Variants in PKNOX1 observed in about 807,000 individuals in gnomAD.
PKNOX1 encodes the protein PBX/knotted 1 homeobox 1, also known as homeobox protein PKNOX1.
PKNOX1 carries 15 observed loss-of-function variants against 51.9 expected under a neutral mutation model. The ratio of observed to expected loss-of-function variants is 0.29; its 90% confidence interval spans 0.19 to 0.45. The LOEUF is 0.45. Among genes scored for constraint, PKNOX1 ranks in the 20% least tolerant of loss-of-function variants. PKNOX1 has a pLI of 1.00. For synonymous variants in PKNOX1, 219 were observed against 211.1 expected, an observed-to-expected ratio of 1.04 and a Z score of -0.32; for missense variants, 462 against 547.5, an observed-to-expected ratio of 0.84 and a Z score of 1.56.
At chr21:43,014,845 C>G (rs1166838747) in intron 5 of PKNOX1, among the ~76,000 whole-genome samples, 2 of 152,308 alleles carry the variant, frequency 1.3e-5, no homozygotes, top group East Asian at 3.9e-4. Flanking sequence ...TTTAGCTGTT[C>G]TGGTTCCTTT....
At chr21:43,002,256 A>G (rs1157731396) in intron 1 of PKNOX1, among the ~76,000 whole-genome samples, 1 of 152,128 alleles carries the variant, frequency 6.6e-6, no homozygotes, top group African/African-American at 2.4e-5. Flanking sequence ...CCTTGCTCAG[A>G]GTTTTAATGG....
In PKNOX1 at chr21:43,021,367, A is replaced by C. The variant is rs373951876; in HGVS notation, c.785A>C (p.Lys262Thr). 9.3e-6 allele frequency: 15 copies of C among 1,613,644 alleles called. No homozygotes were observed. Among genetic ancestry groups the C allele is most frequent in the Non-Finnish European group, 1.2e-5 (14 of 1,179,664 alleles). ...CAAGATGATGGTTCATCTAAGAACA[A>C]GAGGGGCGTCCTGCCAAAGCATGCC... is the stretch of plus-strand genomic sequence containing the variant. ...LHQDDGSSKN[K>T]RGVLPKHATN... Residue 262 changes from lysine to threonine, a missense_variant, in exon 8 of 11, where the codon AAG (lysine) becomes ACG (threonine). Around this residue, in one of 5 missense-constraint regions of PKNOX1, gnomAD observed 75 missense variants for 129.8 expected, o/e 0.58. Transcript: ENST00000291547. This position sits in a 1 kb window ranked among gnomAD's most constrained non-coding sequence, Gnocchi z 4.6.
rs538100107 is a variant in PKNOX1, at chr21:43,000,782, C to T, written c.-56-3544C>T. Among the ~76,000 whole-genome samples the T allele has an allele frequency of 1.7e-4, 26 of 152,218 alleles. No individual in the cohort carries two copies. In the South Asian group the frequency reaches 4.1e-3, roughly 24 times the overall value. ...CCTGTAGTTCCTGCTGTTTAGGGGGCTGTGGTGGGAGCATCTCTTGAGTTC... is the reference window on the plus strand; with the variant it reads ...CCTGTAGTTCCTGCTGTTTAGGGGGTTGTGGTGGGAGCATCTCTTGAGTTC... On this transcript the variant is annotated intron_variant, in intron 1 of 10. Transcript: ENST00000291547.
At chr21:42,992,243 G>C (rs2146241708) in intron 1 of PKNOX1, among the ~76,000 whole-genome samples, 1 of 152,344 alleles carries the variant, frequency 6.6e-6, no homozygotes, top group South Asian at 2.1e-4. Context: ...TCCTGTCCTT[G>C]TGAGTTCGAC....
In PKNOX1 at chr21:43,006,629, TGA is replaced by T. The variant is rs1402476415; in HGVS notation, c.52-858_52-857del. ...GAAGAGAGCACAGGGCTGGAGGATG[TGA>T]GAGGCGTCCTGTGCGGGTGGGCGTT... On this transcript the variant is annotated intron_variant, in intron 2 of 10. Transcript: ENST00000291547. 8.5e-5 allele frequency among the ~76,000 whole-genome samples: 13 copies of T among 152,320 alleles called. No individual in the cohort carries two copies. The East Asian group carries it at 2.3e-3, about 27-fold the overall frequency.
At position 43,030,771 on chromosome 21, in the gene PKNOX1, A is replaced by G. The variant is rs1053191988; in HGVS notation, c.*670A>G. 9 of 152,434 alleles carry G rather than the reference A, an allele frequency of 5.9e-5. No homozygotes were observed. The highest frequency in any genetic ancestry group is 4.6e-4 in the Admixed American group (7 of 15,288). The allele number at this position is 152,434 out of a possible 1,614,324, so 9.4% of individuals were successfully genotyped here. Reference sequence around the variant, plus strand: ...AGGATAAAATTTCTAGAGAAGAAACAATACATGCTTGCTATTAATATTTCA... The same window carrying G: ...AGGATAAAATTTCTAGAGAAGAAACGATACATGCTTGCTATTAATATTTCA... On this transcript the variant is annotated 3_prime_UTR_variant, in exon 11 of 11. Transcript: ENST00000291547.
At chr21:43,029,054 A>G (rs991552125) in intron 10 of PKNOX1, 180 bp downstream of exon 10, 2 of 639,850 alleles carry the variant, frequency 3.1e-6, no homozygotes, top group Non-Finnish European at 5.6e-6. Context: ...GGGAGCTCTC[A>G]GTAAGAGTTA....
At chr21:42,984,615 C>T (rs1401496045) in intron 1 of PKNOX1, among the ~76,000 whole-genome samples, 4 of 152,118 alleles carry the variant, frequency 2.6e-5, no homozygotes, top group African/African-American at 7.2e-5. Flanking sequence ...CTCGAACTCC[C>T]GACCTTAGGT....
intron 7 of PKNOX1, among the ~76,000 whole-genome samples, chr21:43,019,412 A>AC (rs984366786): frequency 3.1e-4 from 47 of 150,704 alleles, no homozygotes; most frequent in Non-Finnish European, 4.7e-4. Context: ...AAATAAACAA[A>AC]AAAAAAACAC....
chr21:43,002,519 G>T (rs1174807486), intron 1 of PKNOX1, among the ~76,000 whole-genome samples: 3 of 151,362 alleles, frequency 2.0e-5, no homozygotes, highest in African/African-American at 7.3e-5. Context: ...TTGAGGGTGA[G>T]TCCCAGCTCA....
Position 43,021,220 on chromosome 21 carries a change from C to A in PKNOX1, c.721-83C>A. Reference sequence around the variant, plus strand: ...AATCATTTCCCTGTCCGATCCTTGGCTGTTTTCTCCACCTGCAGTTGTAAG... The same window carrying A: ...AATCATTTCCCTGTCCGATCCTTGGATGTTTTCTCCACCTGCAGTTGTAAG... On this transcript the variant is annotated intron_variant, in intron 7 of 10. Transcript: ENST00000291547. This position sits in a 1 kb window ranked among gnomAD's most constrained non-coding sequence, Gnocchi z 4.6. 8.8e-7 allele frequency: 1 copy of A among 1,140,740 alleles called. No individual in the cohort carries two copies. The highest frequency in any genetic ancestry group is 1.5e-5 in the South Asian group (1 of 65,574). The allele number at this position is 1,140,740 out of a possible 1,614,324, so 70.7% of individuals were successfully genotyped here. A position where few individuals can be genotyped will look rare whatever the true frequency, so the allele number is the denominator to read the frequency against.
At chr21:42,984,250 C>T (rs1482221902) in intron 1 of PKNOX1, among the ~76,000 whole-genome samples, 5 of 151,344 alleles carry the variant, frequency 3.3e-5, no homozygotes, top group East Asian at 2.0e-4. Context: ...TATGTTCATA[C>T]GTTTTTACAT....
At chr21:43,020,158 C>CGG (rs1979691800) in intron 7 of PKNOX1, among the ~76,000 whole-genome samples, 1 of 152,128 alleles carries the variant, frequency 6.6e-6, no homozygotes, top group South Asian at 2.1e-4. Context: ...GTCTTGAACT[C>CGG]CTGGGCTCAA....
chr21:43,003,561 A>G (rs60992049), intron 1 of PKNOX1, among the ~76,000 whole-genome samples: 158 of 152,284 alleles, frequency 1.0e-3, no homozygotes, highest in African/African-American at 3.6e-3. Flanking sequence ...ACGTAACAGC[A>G]TCTTCCCAGC....
intron 10 of PKNOX1, among the ~76,000 whole-genome samples, chr21:43,029,191 G>A (rs1980116518): frequency 6.6e-6 from 1 of 152,062 alleles, no homozygotes; most frequent in East Asian, 1.9e-4. Context: ...TTTTCCCTCC[G>A]ACGCCGGGTG....
At chr21:43,024,646 G>A in intron 8 of PKNOX1, 1 of 499,928 alleles carries the variant, frequency 2.0e-6, no homozygotes, top group Non-Finnish European at 3.6e-6. Context: ...AACGTGGGGG[G>A]CGGTCTGCCT....
chr21:43,024,108 C>T (rs1224998476), intron 8 of PKNOX1, among the ~76,000 whole-genome samples: 1 of 152,188 alleles, frequency 6.6e-6, no homozygotes, highest in East Asian at 1.9e-4. Flanking sequence ...GCACTCCTGT[C>T]ACCAGCCCTG....
In PKNOX1 at chr21:43,021,247, A is replaced by T; in HGVS notation, c.721-56A>T. ...GTTTTCTCCACCTGCAGTTGTAAGT[A>T]CTTGGATATGTGAGAATTTCCTATG... On this transcript the variant is annotated intron_variant, in intron 7 of 10. Coordinates refer to ENST00000291547, the MANE Select transcript of PKNOX1 (RefSeq NM_004571.5). The surrounding 1 kb of genome is among the most constrained non-coding windows in gnomAD (Gnocchi z 4.6). 1 of 1,447,250 alleles carries T rather than the reference A, an allele frequency of 6.9e-7. No homozygotes were observed. Among genetic ancestry groups the T allele is most frequent in the Non-Finnish European group, 9.5e-7 (1 of 1,054,270 alleles). 89.7% of individuals were successfully genotyped at this position (1,447,250 alleles called of 1,614,324 possible). A position where few individuals can be genotyped will look rare whatever the true frequency, so the allele number is the denominator to read the frequency against.
intron 1 of PKNOX1, among the ~76,000 whole-genome samples, chr21:42,978,088 C>T (rs1157689807): frequency 6.6e-6 from 1 of 152,164 alleles, no homozygotes; most frequent in Non-Finnish European, 1.5e-5. Flanking sequence ...TCACTGCAAC[C>T]TCTGCCTCCT....
Sources: allele counts gnomAD v4.1 joint callset (sites outside exome capture counted in the v4.1 genomes callset), GRCh38; gene constraint gnomAD v4.1.1; regional missense constraint gnomAD v4.1.1; non-coding constraint Gnocchi (gnomAD v3.1); transcripts MANE v1.5; gene names NCBI Gene and HGNC (gene_info 2026-07-23, HGNC 2026-07-21).